The following IKZF4 variants were observed in gnomAD, a reference collection of about 807,000 sequenced individuals.
IKZF4 encodes IKAROS family zinc finger 4.
A neutral mutation model predicts 47.7 loss-of-function variants in IKZF4; 11 were observed. The observed-to-expected ratio is 0.23, with a 90% confidence interval of 0.15 to 0.38. The LOEUF (loss-of-function observed/expected upper bound fraction) is 0.38. Among genes scored for constraint, IKZF4 ranks in the 10% least tolerant of loss-of-function variants. The pLI is 1.00. For synonymous variants in IKZF4, 298 were observed against 299.4 expected, an observed-to-expected ratio of 1.00 and a Z score of 0.05; for missense variants, 557 against 784.9, an observed-to-expected ratio of 0.71 and a Z score of 3.47.
chr12:56,025,659 C>T (rs1187212786), intron 3 of IKZF4, among the ~76,000 whole-genome samples: 1 of 152,118 alleles, frequency 6.6e-6, no homozygotes, highest in Non-Finnish European at 1.5e-5. Context: ...TCCTTTACCC[C>T]TCCTGCCCTG....
At chr12:56,028,906 G>T (rs61658243) in intron 5 of IKZF4, among the ~76,000 whole-genome samples, 4,192 of 152,116 alleles carry the variant, frequency 0.028, 202 homozygotes, top group African/African-American at 0.096. Context: ...ATTTTAGATT[G>T]TTGATGCCAC....
At chr12:56,026,642 T>C in intron 3 of IKZF4, 139 bp from the exon 4 acceptor site, 2 of 877,034 alleles carry the variant, frequency 2.3e-6, no homozygotes, top group Non-Finnish European at 3.2e-6. Flanking sequence ...CGAGCCAAAT[T>C]CGTGCCACTG....
chr12:56,025,197 C>T, intron 3 of IKZF4, 39 bp downstream of exon 3: 10 of 1,493,694 alleles, frequency 6.7e-6, no homozygotes, highest in Non-Finnish European at 8.9e-6. Context: ...CAGTAGGCAC[C>T]CCCTGTTGCA....
chr12:56,034,793 A>G lies in IKZF4; in HGVS notation c.1220A>G (p.Gln407Arg). 6.2e-7 allele frequency: 1 copy of G among 1,614,000 alleles called. No individual in the cohort carries two copies. Among genetic ancestry groups the G allele is most frequent in the Non-Finnish European group, 8.5e-7 (1 of 1,179,876 alleles). ...PVISSVYTQM[Q>R]PLPGRLELPG... ...ATCAGCTCTGTCTACACCCAGATGC[A>G]GCCCCTCCCTGGTCGACTGGAGCTT... The change falls in exon 8 of 8, where the codon CAG becomes CGG. Residue 407 changes from glutamine (Q) to arginine (R), a missense_variant. Gln to Arg is a conservative substitution (Grantham distance 43, BLOSUM62 1). Coordinates refer to ENST00000547167, the MANE Select transcript of IKZF4 (RefSeq NM_022465.4).
chr12:56,035,961 G>A lies in IKZF4; in HGVS notation c.*630G>A, dbSNP rs2136733185. On this transcript the variant is annotated 3_prime_UTR_variant, in exon 8 of 8. Coordinates refer to ENST00000547167, the MANE Select transcript of IKZF4 (RefSeq NM_022465.4). This position sits in a 1 kb window ranked among gnomAD's most constrained non-coding sequence, Gnocchi z 6.1. ...TGAAGAATTATTTCCTCATTTGGAAGTAGGAGGGACTGAAGAAATTCTCCC... is the reference window on the plus strand; with the variant it reads ...TGAAGAATTATTTCCTCATTTGGAAATAGGAGGGACTGAAGAAATTCTCCC... The A allele has an allele frequency of 1.3e-5, 2 of 152,790 alleles. No homozygotes were observed. Among genetic ancestry groups the A allele is most frequent in the South Asian group, 4.2e-4 (2 of 4,816 alleles). 9.5% of individuals were successfully genotyped at this position (152,790 alleles called of 1,614,324 possible).
At chr12:56,020,509 C>T (rs535864921), upstream of IKZF4, among the ~76,000 whole-genome samples, 5 of 152,264 alleles carry the variant, frequency 3.3e-5, no homozygotes, top group East Asian at 1.9e-4. Flanking sequence ...GTAGGCAGCC[C>T]GAAGTTTCAC....
rs143369963 is a variant in IKZF4 at position 56,033,399 on chromosome 12, G to A, written c.997+78G>A. 543 of 1,576,246 alleles carry A rather than the reference G, an allele frequency of 3.4e-4. 3 individuals carry two copies. In the East Asian group the frequency reaches 0.012, roughly 34 times the overall value. On this transcript the variant is annotated intron_variant, in intron 7 of 7. Coordinates refer to ENST00000547167, the MANE Select transcript of IKZF4 (RefSeq NM_022465.4). Reference sequence around the variant, plus strand: ...TCTGAGCTGTGTGGTCTGGAGATTCGGTTTGGGGAAAGAAAGCAGTCTGGT... The same window carrying A: ...TCTGAGCTGTGTGGTCTGGAGATTCAGTTTGGGGAAAGAAAGCAGTCTGGT...
chr12:56,030,009 A>G (rs1894650427), intron 5 of IKZF4, among the ~76,000 whole-genome samples: 1 of 152,184 alleles, frequency 6.6e-6, no homozygotes, highest in Admixed American at 6.5e-5. Context: ...ACACAGATAT[A>G]CTGTCAGGTC....
At position 56,011,791 on chromosome 12, in the gene IKZF4, G is replaced by A. The variant is rs1000549665; in HGVS notation, c.-214+297G>A. On this transcript the variant is annotated intron_variant, in intron 2 of 11. Coordinates refer to the IKZF4 transcript ENST00000262032. ...GGTTGACCCTAAAGATAATTTCAGA[G>A]CTGCAAATTGCTTGATGTCTAGGTC... 5.3e-5 allele frequency: 8 copies of A among 152,200 alleles called. 1 individual carries two copies. The highest frequency in any genetic ancestry group is 2.6e-4 in the Admixed American group (4 of 15,276). 9.4% of individuals were successfully genotyped at this position (152,200 alleles called of 1,614,324 possible).
rs1001803671 is a variant in IKZF4 at position 56,033,429 on chromosome 12, T to C, written c.997+108T>C. On this transcript the variant is annotated intron_variant, in intron 7 of 7. Coordinates refer to ENST00000547167, the MANE Select transcript of IKZF4 (RefSeq NM_022465.4). ...GGGGAAAGAAAGCAGTCTGGTGGGC[T>C]GGGTGCAGTGGCTCACGTCTGTAAT... 141 of 1,391,790 alleles carry C rather than the reference T, an allele frequency of 1.0e-4. No individual in the cohort carries two copies. The Middle Eastern group carries it at 1.3e-3, about 13-fold the overall frequency. The allele number at this position is 1,391,790 out of a possible 1,614,324, so 86.2% of individuals were successfully genotyped here.
At chr12:56,011,438 A>G (rs1399417690) in exon 2 of IKZF4, 2 of 151,986 alleles carry the variant, frequency 1.3e-5, no homozygotes, top group Non-Finnish European at 2.9e-5. Context: ...AGGACAGAGA[A>G]GCGCAAAGAA....
In IKZF4 at chr12:56,035,106, C is replaced by T. The variant is rs376460660; in HGVS notation, c.1533C>T (p.Gly511=). Residue 511 remains glycine, a synonymous_variant, in exon 8 of 8, where the codon GGC becomes GGT. Transcript: ENST00000547167. The surrounding 1 kb of genome is among the most constrained non-coding windows in gnomAD (Gnocchi z 6.1). ...AGGGGTTATTGCGGGGCACCCCAGGCCCCTCCAAGGAAGTGCTTCGGGTGG... is the reference window on the plus strand; with the variant it reads ...AGGGGTTATTGCGGGGCACCCCAGGTCCCTCCAAGGAAGTGCTTCGGGTGG... ...PQEGLLRGTP[G]PSKEVLRVVG... The T allele has an allele frequency of 1.1e-5, 18 of 1,610,920 alleles. No homozygotes were observed. The highest frequency in any genetic ancestry group is 1.5e-5 in the Non-Finnish European group (18 of 1,178,220).
chr12:56,019,643 G>A (rs1431574883), upstream of IKZF4, among the ~76,000 whole-genome samples: 2 of 152,198 alleles, frequency 1.3e-5, no homozygotes, highest in Non-Finnish European at 2.9e-5. Context: ...TGAGCAACAA[G>A]TACACTTGGG....
Position 56,026,864 on chromosome 12 carries a change from G to C in IKZF4, c.370G>C (p.Asp124His). The change falls in exon 4 of 8, where the codon GAC becomes CAC. Residue 124 changes from aspartate (D) to histidine (H), a missense_variant. Coordinates refer to ENST00000547167, the MANE Select transcript of IKZF4 (RefSeq NM_022465.4). ...GPDERLLEKD[D>H]SVIVEDSLSE... ...AGATGAGCGGCTCCTGGAAAAGGAC[G>C]ACAGCGTGATTGTGGAAGATTCATT... The C allele has an allele frequency of 3.1e-6, 5 of 1,613,338 alleles. No individual in the cohort carries two copies. Among genetic ancestry groups the C allele is most frequent in the Non-Finnish European group, 4.2e-6 (5 of 1,179,670 alleles).
chr12:56,031,517 G>A (rs544307609), intron 5 of IKZF4, among the ~76,000 whole-genome samples: 24 of 152,290 alleles, frequency 1.6e-4, no homozygotes, highest in Non-Finnish European at 3.2e-4. Flanking sequence ...AAATACAAGA[G>A]TTTACAGAGC....
upstream of IKZF4, among the ~76,000 whole-genome samples, chr12:56,019,694 C>T (rs1010367344): frequency 1.4e-4 from 21 of 152,206 alleles, no homozygotes; most frequent in Admixed American, 1.4e-3. Context: ...TGGATAAAAT[C>T]CAGTCCCTAC....
Position 56,034,911 on chromosome 12 carries a change from G to T in IKZF4, c.1338G>T (p.Gly446=), listed in dbSNP as rs553609812. Residue 446 remains glycine (G), a synonymous_variant, in exon 8 of 8, where the codon GGG becomes GGT. Transcript: ENST00000547167. The part of the protein sequence containing the change: ...YRPRGPLTDP[G]ASPSNGCQDS... ...CCCGAGGCCCCCTGACTGACCCTGGGGCATCCCCCAGCAATGGCTGCCAGG... is the reference window on the plus strand; with the variant it reads ...CCCGAGGCCCCCTGACTGACCCTGGTGCATCCCCCAGCAATGGCTGCCAGG... 8.3e-5 allele frequency: 132 copies of T among 1,599,882 alleles called. 1 individual carries two copies. In the South Asian group the frequency reaches 1.4e-3, roughly 17 times the overall value.
chr12:56,018,904 G>T (rs1892481636), upstream of IKZF4, among the ~76,000 whole-genome samples: 1 of 151,102 alleles, frequency 6.6e-6, no homozygotes, highest in Non-Finnish European at 1.5e-5. Flanking sequence ...GCAACATGGT[G>T]AAACCCCCTC....
chr12:56,007,573 G>C (rs921988794), upstream of IKZF4: 6 of 156,726 alleles, frequency 3.8e-5, no homozygotes, highest in African/African-American at 1.4e-4. Context: ...CCCGGGTCCT[G>C]GCTCCGGCCC....
Sources: gnomAD v4.1 joint callset for allele counts (sites outside exome capture counted in the v4.1 genomes callset) on GRCh38, gnomAD v4.1.1 for gene constraint, Gnocchi (gnomAD v3.1) non-coding constraint, MANE v1.5 for transcripts, NCBI Gene and HGNC (gene_info 2026-07-23, HGNC 2026-07-21) for gene names.